The following SYN3 variants were observed in gnomAD, a reference collection of about 807,000 sequenced individuals.
SYN3 encodes synapsin III.
A neutral mutation model predicts 65.8 loss-of-function variants in SYN3; 35 were observed. The ratio of observed to expected loss-of-function variants is 0.53; its 90% CI spans 0.41 to 0.70. The LOEUF (loss-of-function observed/expected upper bound fraction) is 0.70. Among genes scored for constraint, SYN3 ranks in the 30% least tolerant of loss-of-function variants. The probability of loss-of-function intolerance (pLI) is 0.00; values close to 1 mark genes in which losing one functional copy is unlikely to be tolerated. For synonymous variants in SYN3, 270 were observed against 292.9 expected (o/e 0.92, Z 0.80); for missense variants, 680 against 749.0 (o/e 0.91, Z 1.08).
At chr22:32,772,511 C>A (rs563815642) in intron 6 of SYN3, among the ~76,000 whole-genome samples, 3 of 151,782 alleles carry the variant, frequency 2.0e-5, no homozygotes, top group Admixed American at 6.6e-5. Context: ...AAAAATGATC[C>A]GCCTCCCTCC....
chr22:33,001,924 C>T (rs2053071101), intron 2 of SYN3, among the ~76,000 whole-genome samples: 1 of 152,180 alleles, frequency 6.6e-6, no homozygotes, highest in Non-Finnish European at 1.5e-5. Flanking sequence ...ACTTCCCTGA[C>T]AAACAGCTGA....
intron 6 of SYN3, among the ~76,000 whole-genome samples, chr22:32,677,948 T>C (rs760371556): frequency 3.5e-4 from 53 of 152,216 alleles, no homozygotes; most frequent in Middle Eastern, 3.4e-3. Flanking sequence ...AGACACAGCA[T>C]GGTCAAAGGT....
chr22:32,925,524 G>A (rs545687152), intron 4 of SYN3, among the ~76,000 whole-genome samples: 1 of 152,314 alleles, frequency 6.6e-6, no homozygotes, highest in African/African-American at 2.4e-5. Flanking sequence ...TGTAAACAAT[G>A]TTGTAAATTC....
At chr22:32,840,643 C>T (rs2047870705) in intron 6 of SYN3, among the ~76,000 whole-genome samples, 1 of 152,142 alleles carries the variant, frequency 6.6e-6, no homozygotes, top group Non-Finnish European at 1.5e-5. Context: ...CCGCCGCCCC[C>T]TCCGCCCCCC....
intron 7 of SYN3, among the ~76,000 whole-genome samples, chr22:32,569,567 C>CTATATATATATATATA (rs1225222696): frequency 1.6e-4 from 10 of 64,434 alleles, no homozygotes; most frequent in Non-Finnish European, 6.3e-5. Flanking sequence ...CTCTCTCTCT[C>CTATATATATATATATA]TCTCTATATA....
chr22:32,828,330 G>A (rs1030458019), intron 6 of SYN3, among the ~76,000 whole-genome samples: 2 of 152,164 alleles, frequency 1.3e-5, no homozygotes, highest in African/African-American at 4.8e-5. Context: ...AGCTTCTTAG[G>A]ACAACATTCT....
intron 6 of SYN3, among the ~76,000 whole-genome samples, chr22:32,848,541 T>A (rs2048132549): frequency 6.6e-6 from 1 of 152,186 alleles, no homozygotes; most frequent in African/African-American, 2.4e-5. Flanking sequence ...AAATGGGAGC[T>A]GTTTTCATTG....
chr22:32,666,283 A>C (rs369043978), intron 6 of SYN3, among the ~76,000 whole-genome samples: 10 of 152,156 alleles, frequency 6.6e-5, no homozygotes, highest in Non-Finnish European at 1.5e-4. Context: ...TCACTCCTCT[A>C]TTCAAAACCT....
chr22:32,952,551 T>C (rs2051323299), intron 3 of SYN3, among the ~76,000 whole-genome samples: 1 of 151,934 alleles, frequency 6.6e-6, no homozygotes, highest in Non-Finnish European at 1.5e-5. Flanking sequence ...GCCCAGGAGT[T>C]CGAGACCAGC....
chr22:32,708,149 G>A (rs1237620720), intron 6 of SYN3, among the ~76,000 whole-genome samples: 1 of 152,220 alleles, frequency 6.6e-6, no homozygotes, highest in African/African-American at 2.4e-5. Context: ...AAAGCACTGT[G>A]ACTAATGGAG....
At chr22:32,872,960 G>T in intron 4 of SYN3, among the ~76,000 whole-genome samples, 3 of 96,004 alleles carry the variant, frequency 3.1e-5, no homozygotes, top group Non-Finnish European at 2.4e-5. Flanking sequence ...TTTTTTTTGA[G>T]AGACAGAGTC....
At chr22:32,569,935 A>G (rs907383030) in intron 7 of SYN3, among the ~76,000 whole-genome samples, 1 of 152,200 alleles carries the variant, frequency 6.6e-6, no homozygotes, top group Non-Finnish European at 1.5e-5. Flanking sequence ...GAGATTTTGT[A>G]AAGTCCAGGA....
chr22:33,008,979 G>GA, intron 1 of SYN3, among the ~76,000 whole-genome samples: 1 of 76,302 alleles, frequency 1.3e-5, no homozygotes, highest in South Asian at 5.7e-4. Context: ...AGAGAGAAAA[G>GA]AAAAAGAAAA....
intron 6 of SYN3, among the ~76,000 whole-genome samples, chr22:32,844,094 C>T (rs957281243): frequency 2.6e-5 from 4 of 152,158 alleles, no homozygotes; most frequent in African/African-American, 9.7e-5. Context: ...CCTTGATCCC[C>T]AGACCAGCCA....
intron 1 of SYN3, among the ~76,000 whole-genome samples, chr22:33,021,857 A>AC (rs1180807732): frequency 6.6e-6 from 1 of 151,110 alleles, no homozygotes; most frequent in Non-Finnish European, 1.5e-5. Context: ...AGGGAGAGAG[A>AC]CCATCGTCTG....
chr22:32,839,194 G>A (rs2047822552), intron 6 of SYN3, among the ~76,000 whole-genome samples: 1 of 152,054 alleles, frequency 6.6e-6, no homozygotes, highest in South Asian at 2.1e-4. Flanking sequence ...CAGCTCTGAA[G>A]AGCCATATAT....
chr22:32,798,031 A>G (rs772235968), intron 6 of SYN3, among the ~76,000 whole-genome samples: 5 of 152,062 alleles, frequency 3.3e-5, no homozygotes, highest in Non-Finnish European at 5.9e-5. Flanking sequence ...CTCTCTTTTC[A>G]TTTCCCAGAA....
chr22:32,586,071 TAC>T (rs1207692628), intron 7 of SYN3, among the ~76,000 whole-genome samples: 9 of 135,280 alleles, frequency 6.7e-5, no homozygotes, highest in Admixed American at 2.3e-4. Flanking sequence ...TATATATGTA[TAC>T]ATGTATACAT....
intron 3 of SYN3, among the ~76,000 whole-genome samples, chr22:32,978,109 C>G (rs2052261637): frequency 6.6e-6 from 1 of 152,166 alleles, no homozygotes; most frequent in Non-Finnish European, 1.5e-5. Context: ...GAAGATCACT[C>G]TAGCGTTGGG....
Sources: gnomAD v4.1 joint callset for allele counts (sites outside exome capture counted in the v4.1 genomes callset) on GRCh38, gnomAD v4.1.1 for gene constraint, MANE v1.5 for transcripts, NCBI Gene and HGNC (gene_info 2026-07-23, HGNC 2026-07-21) for gene names.